Variants in PDE1C observed in about 807,000 individuals in gnomAD.
PDE1C encodes dual specificity calcium/calmodulin-dependent 3',5'-cyclic nucleotide phosphodiesterase 1C.
Under a neutral mutation model 93.1 loss-of-function variants are expected in PDE1C, and 62 were observed. That is an observed-to-expected ratio of 0.67 (90% CI 0.54 to 0.82). PDE1C has a LOEUF of 0.82. PDE1C is among the 40% of genes least tolerant of loss of function. PDE1C has a pLI of 0.00. For missense variants in PDE1C, 742 were observed against 884.6 expected (o/e 0.84, Z 2.04); for synonymous variants, 325 against 310.1 (o/e 1.05, Z -0.50).
intron 2 of PDE1C, among the ~76,000 whole-genome samples, chr7:31,999,609 A>C (rs1332159438): frequency 6.6e-6 from 1 of 152,254 alleles, no homozygotes; most frequent in Non-Finnish European, 1.5e-5. Context: ...ATTGCATGGC[A>C]GATCAGGAGC....
At chr7:31,641,802 A>C in the PDE1C span, among the ~76,000 whole-genome samples, 2 of 152,200 alleles carry the variant, frequency 1.3e-5, no homozygotes, top group Non-Finnish European at 2.9e-5. Context: ...CACACACACA[A>C]ATATATAAAA....
At position 31,891,373 on chromosome 7, in the gene PDE1C, A is replaced by G. The variant is rs984447523; in HGVS notation, c.129-10513T>C. Reference sequence around the variant, plus strand: ...TGCCCCACCTAGAAAATGCAATCCTATCACCAATACTTGTTTTTTCCTTTA... The same window carrying G: ...TGCCCCACCTAGAAAATGCAATCCTGTCACCAATACTTGTTTTTTCCTTTA... On this transcript the variant is annotated intron_variant, in intron 2 of 17. Transcript: ENST00000396191. Among the ~76,000 whole-genome samples, 4 of 152,284 alleles carry G rather than the reference A, an allele frequency of 2.6e-5. No individual in the cohort carries two copies. The East Asian group carries it at 7.7e-4, about 29-fold the overall frequency.
chr7:32,015,924 G>T (rs1242315712), intron 2 of PDE1C, among the ~76,000 whole-genome samples: 3 of 152,126 alleles, frequency 2.0e-5, no homozygotes, highest in Admixed American at 2.0e-4. Context: ...CAGAGGCAGG[G>T]CTCAGACACT....
chr7:31,996,005 T>C (rs1784673975), intron 2 of PDE1C, among the ~76,000 whole-genome samples: 1 of 151,696 alleles, frequency 6.6e-6, no homozygotes, highest in South Asian at 2.1e-4. Context: ...GGGACATCTG[T>C]TTAGCAGGAA....
the PDE1C span, chr7:31,643,363 C>G: frequency 6.2e-7 from 1 of 1,613,990 alleles, no homozygotes; most frequent in Non-Finnish European, 8.5e-7. Flanking sequence ...AAAGCTCATT[C>G]CCCACCTCCA....
chr7:31,782,084 C>A (rs1783462834), intron 16 of PDE1C, among the ~76,000 whole-genome samples: 1 of 152,102 alleles, frequency 6.6e-6, no homozygotes, highest in African/African-American at 2.4e-5. Flanking sequence ...CTGCTATTTA[C>A]AACTGCAAAA....
chr7:31,620,051 G>T, the PDE1C span, among the ~76,000 whole-genome samples: 1 of 152,192 alleles, frequency 6.6e-6, no homozygotes, highest in East Asian at 1.9e-4. Flanking sequence ...AGCGAGGCTG[G>T]GGGAGGGGTG....
At chr7:31,985,168 T>C (rs1316645132) in intron 2 of PDE1C, among the ~76,000 whole-genome samples, 1 of 152,176 alleles carries the variant, frequency 6.6e-6, no homozygotes, top group East Asian at 1.9e-4. Flanking sequence ...AGTAGACTAG[T>C]AAGCAGTACC....
At chr7:31,952,156 A>G (rs564283552) in intron 2 of PDE1C, among the ~76,000 whole-genome samples, 16 of 152,098 alleles carry the variant, frequency 1.1e-4, no homozygotes, top group Non-Finnish European at 1.3e-4. Flanking sequence ...CTAATTTCCA[A>G]TGCTCAAGTT....
intron 3 of PDE1C, among the ~76,000 whole-genome samples, chr7:32,090,020 T>C (rs1563303947): frequency 6.6e-6 from 1 of 152,184 alleles, no homozygotes. Context: ...TTTATCTAGT[T>C]TTTATTTCTT....
chr7:31,681,391 GGAT>G, the PDE1C span, among the ~76,000 whole-genome samples: 113,021 of 151,114 alleles, frequency 0.75, 42,165 homozygotes, highest in East Asian at 0.84. Flanking sequence ...ATGGATGGAT[GGAT>G]GGATGGATGG....
In PDE1C at chr7:31,822,725, A is replaced by G. The variant is rs185249451; in HGVS notation, c.1582+348T>C. On this transcript the variant is annotated intron_variant, in intron 14 of 17. Coordinates refer to ENST00000396191, the MANE Select transcript of PDE1C (RefSeq NM_001191057.4). The stretch of plus-strand genomic sequence containing the variant: ...TAGCGGGTCTTTACTTAGGTAAAAG[A>G]AGAAATAAAAGCCTCACAGTTGTGC... 5.3e-5 allele frequency among the ~76,000 whole-genome samples: 8 copies of G among 152,314 alleles called. No individual in the cohort carries two copies. In the East Asian group the frequency reaches 1.5e-3, roughly 29 times the overall value.
At chr7:32,011,196 A>ATT (rs34261812) in intron 2 of PDE1C, among the ~76,000 whole-genome samples, 11 of 146,696 alleles carry the variant, frequency 7.5e-5, no homozygotes, top group African/African-American at 1.3e-4. Flanking sequence ...TAAATTAACA[A>ATT]TTTTTTTTTT....
the PDE1C span, among the ~76,000 whole-genome samples, chr7:31,739,200 G>GACACACACAC: frequency 0.05 from 7,184 of 143,096 alleles, 226 homozygotes; most frequent in South Asian, 0.092. Context: ...GTAACTTTTA[G>GACACACACAC]ACACACACAC....
intron 3 of PDE1C, among the ~76,000 whole-genome samples, chr7:32,110,700 T>C (rs78163446): frequency 0.021 from 3,271 of 152,222 alleles, 123 homozygotes; most frequent in African/African-American, 0.076. Context: ...ACTGAGCTTA[T>C]TGGAAGATGA....
At chr7:31,844,560 T>G (rs1165974756) in intron 9 of PDE1C, among the ~76,000 whole-genome samples, 1 of 151,990 alleles carries the variant, frequency 6.6e-6, no homozygotes, top group Non-Finnish European at 1.5e-5. Context: ...TTTGTCATTT[T>G]TCTTTATTTT....
intron 2 of PDE1C, among the ~76,000 whole-genome samples, chr7:32,012,331 G>A (rs1307351312): frequency 2.0e-5 from 3 of 152,090 alleles, no homozygotes; most frequent in Admixed American, 6.6e-5. Context: ...GGAGATACCA[G>A]ACTGTTTTAA....
At chr7:31,779,651 A>G (rs1174978092) in intron 16 of PDE1C, among the ~76,000 whole-genome samples, 1 of 152,200 alleles carries the variant, frequency 6.6e-6, no homozygotes, top group East Asian at 1.9e-4. Flanking sequence ...ATATACAGGT[A>G]GCAGGCGGGG....
At chr7:31,977,774 TCAA>T in intron 2 of PDE1C, among the ~76,000 whole-genome samples, 1 of 152,320 alleles carries the variant, frequency 6.6e-6, no homozygotes, top group African/African-American at 2.4e-5. Flanking sequence ...CAGTAGTTGC[TCAA>T]CAACTATTAA....
Sources: allele counts gnomAD v4.1 joint callset (sites outside exome capture counted in the v4.1 genomes callset), GRCh38; gene constraint gnomAD v4.1.1; transcripts MANE v1.5; gene names NCBI Gene and HGNC (gene_info 2026-07-23, HGNC 2026-07-21).